The following SPAG17 variants were observed in gnomAD, a reference collection of about 807,000 sequenced individuals.
The protein encoded by SPAG17 is sperm associated antigen 17.
Under a neutral mutation model 273.6 loss-of-function variants are expected in SPAG17, and 169 were observed. The observed-to-expected ratio is 0.62, with a 90% confidence interval of 0.55 to 0.70. SPAG17 has a LOEUF of 0.70. Among genes scored for constraint, SPAG17 ranks in the 30% least tolerant of loss-of-function variants. SPAG17 has a pLI of 0.00. For synonymous variants in SPAG17, 825 were observed against 873.2 expected, an observed-to-expected ratio of 0.94 and a Z score of 0.97; for missense variants, 2,557 against 2,627.8, an observed-to-expected ratio of 0.97 and a Z score of 0.59.
intron 15 of SPAG17, chr1:118,076,569 A>C (rs1347528013): frequency 6.6e-6 from 1 of 152,150 alleles, no homozygotes; most frequent in East Asian, 1.9e-4. Context: ...GTGGTCTGCC[A>C]GATTTCCGGG....
chr1:118,139,157 T>C (rs1374613090), intron 3 of SPAG17, among the ~76,000 whole-genome samples: 3 of 149,526 alleles, frequency 2.0e-5, no homozygotes, highest in Non-Finnish European at 4.5e-5. Flanking sequence ...AGACCTGGGG[T>C]GGATAGACAT....
rs1434766650 is a variant in SPAG17 at position 118,009,246 on chromosome 1, A to G, written c.4433-1048T>C. 2.4e-5 allele frequency among the ~76,000 whole-genome samples: 3 copies of G among 125,972 alleles called. No individual in the cohort carries two copies. In the South Asian group the frequency reaches 7.6e-4, roughly 32 times the overall value. 82.6% of individuals were successfully genotyped at this position (125,972 alleles called of 152,430 possible). A position where few individuals can be genotyped will look rare whatever the true frequency, so the allele number is the denominator to read the frequency against. On this transcript the variant is annotated intron_variant, in intron 30 of 48. Transcript: ENST00000336338. ...CCAAGAGTGTAGACTTTAGGTGCTC[A>G]TAACACACACACACACACACACACA...
intron 3 of SPAG17, among the ~76,000 whole-genome samples, chr1:118,136,074 G>A (rs1046479295): frequency 1.3e-5 from 2 of 152,134 alleles, no homozygotes; most frequent in Admixed American, 1.3e-4. Flanking sequence ...TGCCATACAA[G>A]GTTGTTGGTG....
chr1:118,131,294 G>T (rs544047666), intron 3 of SPAG17, among the ~76,000 whole-genome samples: 1 of 152,250 alleles, frequency 6.6e-6, no homozygotes, highest in Non-Finnish European at 1.5e-5. Flanking sequence ...CAGAGCCTTT[G>T]CTTTTGCAGT....
At chr1:118,106,449 G>T (rs1036038811) in intron 4 of SPAG17, among the ~76,000 whole-genome samples, 1 of 152,086 alleles carries the variant, frequency 6.6e-6, no homozygotes, top group Non-Finnish European at 1.5e-5. Flanking sequence ...GGTTTGTAAG[G>T]CACAAGTCAG....
chr1:118,013,151 G>A (rs148987127), intron 29 of SPAG17, among the ~76,000 whole-genome samples: 51 of 152,316 alleles, frequency 3.3e-4, no homozygotes, highest in African/African-American at 1.2e-3. Flanking sequence ...ACCTGCAACT[G>A]CAGTACTGTA....
chr1:118,017,424 G>A (rs6677802), intron 28 of SPAG17, among the ~76,000 whole-genome samples: 55,419 of 151,758 alleles, frequency 0.37, 11,197 homozygotes, highest in Non-Finnish European at 0.46. Flanking sequence ...TAGCAGACCA[G>A]TGTGACCAGA....
Position 118,081,247 on chromosome 1 carries a change from T to C in SPAG17, c.2063A>G (p.Asn688Ser). The part of the protein sequence containing the change: ...LSMSVQDNES[N>S]REPSDPSQCD... ...CTGACTAGGATCTGAAGGTTCTCGG[T>C]TGCTTTCATTATCTTGCACAGACAT... Residue 688 changes from asparagine (N) to serine (S), a missense_variant, in exon 15 of 49, where the codon AAC becomes AGC. Asn to Ser is a conservative substitution (Grantham distance 46). Transcript: ENST00000336338. The C allele has an allele frequency of 1.2e-6, 2 of 1,614,138 alleles. No homozygotes were observed. The highest frequency in any genetic ancestry group is 1.7e-6 in the Non-Finnish European group (2 of 1,180,012).
chr1:118,039,183 G>T, intron 23 of SPAG17, 109 bp downstream of exon 23: 1 of 1,203,158 alleles, frequency 8.3e-7, no homozygotes, highest in Non-Finnish European at 1.2e-6. Flanking sequence ...GAGTGTACTG[G>T]TAGAAACTTG....
chr1:117,995,895 T>C (rs896456509), intron 34 of SPAG17, among the ~76,000 whole-genome samples: 6 of 152,128 alleles, frequency 3.9e-5, no homozygotes, highest in African/African-American at 1.4e-4. Context: ...ATGAAAACAA[T>C]GTAAGTACCC....
At chr1:118,147,772 T>G (rs934575522) in intron 3 of SPAG17, among the ~76,000 whole-genome samples, 1 of 152,158 alleles carries the variant, frequency 6.6e-6, no homozygotes, top group Admixed American at 6.5e-5. Context: ...GCAAATCACT[T>G]AGGAATGTGG....
rs374912161 is a variant in SPAG17 at position 118,185,194 on chromosome 1, C to A, written c.-37G>T. The A allele has an allele frequency of 9.7e-6, 15 of 1,552,140 alleles. No homozygotes were observed. The Admixed American group carries it at 1.0e-4, about 10-fold the overall frequency. On this transcript the variant is annotated 5_prime_UTR_variant, in exon 1 of 49. Coordinates refer to ENST00000336338, the MANE Select transcript of SPAG17 (RefSeq NM_206996.4). ...GAGAAGCATTGGCCTCTAAACTGGG[C>A]GCAGGCCCTGCCTAAGCGTCCCCGC...
rs548372815 is a variant in SPAG17 at position 117,985,550 on chromosome 1, T to A, written c.5670-768A>T. 3.3e-5 allele frequency among the ~76,000 whole-genome samples: 5 copies of A among 152,274 alleles called. 1 individual carries two copies. The highest frequency in any genetic ancestry group is 2.6e-4 in the Admixed American group (4 of 15,290). On this transcript the variant is annotated intron_variant, in intron 40 of 48. Transcript: ENST00000336338. ...AACAGATAAAAAGAAGGAATCTGAATTCCTGATGATGTTGTGGTGCTTCCT... is the reference window on the plus strand; with the variant it reads ...AACAGATAAAAAGAAGGAATCTGAAATCCTGATGATGTTGTGGTGCTTCCT...
intron 3 of SPAG17, among the ~76,000 whole-genome samples, chr1:118,120,969 G>T (rs1657388649): frequency 6.6e-6 from 1 of 152,174 alleles, no homozygotes; most frequent in Admixed American, 6.5e-5. Flanking sequence ...TAAGTAACAG[G>T]TGTGGCAGTT....
intron 30 of SPAG17, 36 bp downstream of exon 30, chr1:118,012,192 T>C (rs1557904787): frequency 1.3e-6 from 2 of 1,590,950 alleles, no homozygotes; most frequent in East Asian, 4.5e-5. Context: ...TAAAGAGTTA[T>C]AAAATATTGT....
At chr1:118,051,584 T>A (rs1158797593) in intron 20 of SPAG17, among the ~76,000 whole-genome samples, 2 of 150,946 alleles carry the variant, frequency 1.3e-5, no homozygotes, top group East Asian at 3.9e-4. Context: ...TTTATGTATA[T>A]ATTCTGTAAT....
chr1:118,141,813 C>A (rs1171978245), intron 3 of SPAG17, among the ~76,000 whole-genome samples: 1 of 152,122 alleles, frequency 6.6e-6, no homozygotes, highest in East Asian at 1.9e-4. Flanking sequence ...GTTACTACTG[C>A]TGTTTGTTTC....
At position 118,040,636 on chromosome 1, in the gene SPAG17, C is replaced by G. The variant is rs1260852354; in HGVS notation, c.3166+94G>C. 8.8e-6 allele frequency: 7 copies of G among 792,974 alleles called. No homozygotes were observed. In the East Asian group the frequency reaches 1.3e-4, roughly 15 times the overall value. The allele number at this position is 792,974 out of a possible 1,614,324, so 49.1% of individuals were successfully genotyped here. On this transcript the variant is annotated intron_variant, in intron 22 of 48. Transcript: ENST00000336338. The stretch of plus-strand genomic sequence containing the variant: ...ATGTATTGTGGGGGACAGAATAACA[C>G]TCTCGCCTATCAAACTCAGGAGTAG...
intron 19 of SPAG17, 107 bp downstream of exon 19, chr1:118,055,626 T>C: frequency 1.1e-6 from 1 of 946,986 alleles, no homozygotes; most frequent in Non-Finnish European, 1.6e-6. Context: ...GGAACTTTTT[T>C]GGGTAATTCT....
Sources: allele counts gnomAD v4.1 joint callset (sites outside exome capture counted in the v4.1 genomes callset), GRCh38; gene constraint gnomAD v4.1.1; transcripts MANE v1.5; gene names NCBI Gene and HGNC (gene_info 2026-07-23, HGNC 2026-07-21).